The following ABTB3 variants were observed in gnomAD, a reference collection of about 807,000 sequenced individuals.
The protein encoded by ABTB3 is ankyrin repeat and BTB domain containing 3.
At chr12:107,565,199 C>T in the ABTB3 span, among the ~76,000 whole-genome samples, 1 of 152,192 alleles carries the variant, frequency 6.6e-6, no homozygotes, top group Non-Finnish European at 1.5e-5. Context: ...CAGGAGCTCC[C>T]CTGTTAGGCA....
the ABTB3 span, among the ~76,000 whole-genome samples, chr12:107,422,074 G>T: frequency 2.0e-5 from 3 of 152,180 alleles, no homozygotes; most frequent in African/African-American, 4.8e-5. Flanking sequence ...AGGCTGGGAG[G>T]TAGATAGGTT....
chr12:107,618,782 C>T, the ABTB3 span, among the ~76,000 whole-genome samples: 1 of 152,204 alleles, frequency 6.6e-6, no homozygotes, highest in Admixed American at 6.5e-5. Flanking sequence ...TAACAATCAT[C>T]CCAGGTGGTT....
chr12:107,352,081 G>A, the ABTB3 span, among the ~76,000 whole-genome samples: 24 of 152,190 alleles, frequency 1.6e-4, no homozygotes, highest in Non-Finnish European at 2.9e-4. Context: ...TAAGCAGACA[G>A]TTCTGCCCTT....
the ABTB3 span, among the ~76,000 whole-genome samples, chr12:107,532,621 C>A: frequency 1.3e-5 from 2 of 152,222 alleles, no homozygotes; most frequent in Non-Finnish European, 2.9e-5. Flanking sequence ...TAGCTGAAAA[C>A]TTCAAAAGTC....
At chr12:107,589,769 C>A in the ABTB3 span, among the ~76,000 whole-genome samples, 6 of 152,296 alleles carry the variant, frequency 3.9e-5, no homozygotes, top group South Asian at 1.2e-3. Context: ...AGGGCTGGGG[C>A]AGAAATAAGT....
chr12:107,413,167 A>G, the ABTB3 span, among the ~76,000 whole-genome samples: 3 of 152,078 alleles, frequency 2.0e-5, no homozygotes, highest in African/African-American at 4.8e-5. Context: ...CCAGCTACTC[A>G]GGAGGCTGAG....
At chr12:107,470,240 C>A in the ABTB3 span, among the ~76,000 whole-genome samples, 2 of 151,788 alleles carry the variant, frequency 1.3e-5, no homozygotes, top group Admixed American at 6.6e-5. Context: ...AGTTTCAGCA[C>A]ATTGGCCAGG....
At chr12:107,575,570 C>T in the ABTB3 span, among the ~76,000 whole-genome samples, 1 of 152,132 alleles carries the variant, frequency 6.6e-6, no homozygotes, top group African/African-American at 2.4e-5. Flanking sequence ...AAGGTATAGG[C>T]AGGGTTGGTT....
the ABTB3 span, among the ~76,000 whole-genome samples, chr12:107,393,678 C>T: frequency 6.6e-6 from 1 of 152,176 alleles, no homozygotes; most frequent in African/African-American, 2.4e-5. Flanking sequence ...TGCCTGTAAT[C>T]CCAGCGCTTT....
At chr12:107,365,281 G>C in the ABTB3 span, among the ~76,000 whole-genome samples, 2 of 152,110 alleles carry the variant, frequency 1.3e-5, no homozygotes, top group Non-Finnish European at 2.9e-5. Context: ...GTTATTTTTT[G>C]TTGTGATGAT....
At chr12:107,639,658 G>A in the ABTB3 span, among the ~76,000 whole-genome samples, 2 of 152,140 alleles carry the variant, frequency 1.3e-5, no homozygotes, top group Admixed American at 6.5e-5. Flanking sequence ...CAAATCGGAG[G>A]ATCCTAGTGT....
chr12:107,537,989 C>T, the ABTB3 span, among the ~76,000 whole-genome samples: 3 of 152,266 alleles, frequency 2.0e-5, no homozygotes, highest in Non-Finnish European at 2.9e-5. Flanking sequence ...GCCAAGGGCA[C>T]GACTGGGAAG....
At chr12:107,364,398 C>T in the ABTB3 span, among the ~76,000 whole-genome samples, 1 of 151,940 alleles carries the variant, frequency 6.6e-6, no homozygotes, top group Non-Finnish European at 1.5e-5. Flanking sequence ...AAGTGATTCT[C>T]TTGCCTCAGC....
chr12:107,324,126 A>G, the ABTB3 span, among the ~76,000 whole-genome samples: 26 of 152,230 alleles, frequency 1.7e-4, no homozygotes, highest in African/African-American at 5.8e-4. Context: ...GTGCTGACAC[A>G]TGGTAGGTGC....
At chr12:107,414,593 C>A in the ABTB3 span, among the ~76,000 whole-genome samples, 1 of 152,066 alleles carries the variant, frequency 6.6e-6, no homozygotes, top group Non-Finnish European at 1.5e-5. Context: ...GCGAGACATT[C>A]GGCTATTTTT....
At chr12:107,557,849 C>G in the ABTB3 span, among the ~76,000 whole-genome samples, 1 of 152,216 alleles carries the variant, frequency 6.6e-6, no homozygotes, top group Non-Finnish European at 1.5e-5. Context: ...TCAGGCCCAG[C>G]AGGCTGGCTC....
At chr12:107,644,989 T>TTTTTTTTTTA in the ABTB3 span, among the ~76,000 whole-genome samples, 1 of 146,344 alleles carries the variant, frequency 6.8e-6, no homozygotes, top group South Asian at 2.2e-4. Flanking sequence ...TTTTTTTTTT[T>TTTTTTTTTTA]TGAGAAGAGT....
the ABTB3 span, among the ~76,000 whole-genome samples, chr12:107,482,982 T>C: frequency 1.3e-4 from 2 of 15,002 alleles, no homozygotes; most frequent in African/African-American, 3.3e-4. Context: ...CTTTCTTTCT[T>C]TCTTTCCTTC....
chr12:107,561,618 C>A, the ABTB3 span, among the ~76,000 whole-genome samples: 38 of 152,314 alleles, frequency 2.5e-4, no homozygotes, highest in African/African-American at 9.1e-4. Context: ...ACACCAGAGA[C>A]CAGGTTTTAA....
Sources: gnomAD v4.1 joint callset for allele counts (sites outside exome capture counted in the v4.1 genomes callset) on GRCh38, gnomAD v4.1.1 for gene constraint, MANE v1.5 for transcripts, NCBI Gene and HGNC (gene_info 2026-07-23, HGNC 2026-07-21) for gene names.